Variants in PRP4K observed in about 807,000 individuals in gnomAD.
The protein encoded by PRP4K is pre-mRNA processing factor kinase PRP4K.
the PRP4K span, among the ~76,000 whole-genome samples, chr6:4,046,950 G>A: frequency 6.6e-6 from 1 of 152,176 alleles, no homozygotes; most frequent in South Asian, 2.1e-4. Flanking sequence ...AAGCCACCAT[G>A]CCCGGCCGGT....
the PRP4K span, chr6:4,032,125 G>A: frequency 6.2e-7 from 1 of 1,613,248 alleles, no homozygotes; most frequent in Non-Finnish European, 8.5e-7. Context: ...AAAAGTAAGG[G>A]GGGTATTGAA....
chr6:4,031,928 G>T, the PRP4K span: 1 of 1,613,986 alleles, frequency 6.2e-7, no homozygotes, highest in Non-Finnish European at 8.5e-7. Flanking sequence ...GGCTCATTTT[G>T]CAAGGTTATG....
At chr6:4,032,779 A>G in the PRP4K span, 1 of 1,530,044 alleles carries the variant, frequency 6.5e-7, no homozygotes. Context: ...AAAATGTTAA[A>G]GCTTTTTACC....
the PRP4K span, chr6:4,058,933 G>C: frequency 1.4e-6 from 1 of 709,882 alleles, no homozygotes; most frequent in Non-Finnish European, 2.3e-6. Context: ...CCTTTTTGCT[G>C]TCGACCAATT....
chr6:4,060,291 G>T, the PRP4K span: 23 of 851,764 alleles, frequency 2.7e-5, no homozygotes, highest in East Asian at 5.9e-4. The surrounding 1 kb of genome is among the most constrained non-coding windows in gnomAD (Gnocchi z 4.7). Context: ...TGCACTGTGT[G>T]TATATATTTT....
chr6:4,042,656 G>A, the PRP4K span: 1 of 960,110 alleles, frequency 1.0e-6, no homozygotes, highest in Non-Finnish European at 1.6e-6. Flanking sequence ...CAGTTGAACA[G>A]GTCCTTAGAA....
chr6:4,037,528 G>T, the PRP4K span: 26 of 1,613,898 alleles, frequency 1.6e-5, no homozygotes, highest in Middle Eastern at 1.6e-4. Flanking sequence ...CCACTCAGAC[G>T]TAGCAGGTCT....
the PRP4K span, chr6:4,064,133 T>G: frequency 6.6e-6 from 1 of 152,472 alleles, no homozygotes; most frequent in African/African-American, 2.4e-5. Context: ...TAATACATCC[T>G]GTTTTCTTCA....
the PRP4K span, among the ~76,000 whole-genome samples, chr6:4,024,557 A>G: frequency 6.6e-6 from 1 of 152,234 alleles, no homozygotes; most frequent in East Asian, 1.9e-4. Context: ...TATTGTTTGG[A>G]AAAAAATGTG....
chr6:4,044,070 C>T, the PRP4K span: 1 of 1,548,342 alleles, frequency 6.5e-7, no homozygotes, highest in South Asian at 1.1e-5. Context: ...ATTGTTAGCT[C>T]TGTAACTTTA....
the PRP4K span, chr6:4,047,343 A>G: frequency 9.1e-5 from 97 of 1,060,908 alleles, no homozygotes; most frequent in East Asian, 9.1e-4. Flanking sequence ...AGCAAATGTA[A>G]TAAATATTTT....
the PRP4K span, among the ~76,000 whole-genome samples, chr6:4,036,027 A>G: frequency 7.1e-5 from 1 of 14,080 alleles, no homozygotes; most frequent in Non-Finnish European, 1.4e-4. Flanking sequence ...ATGGAGACAA[A>G]CCTATTTACA....
the PRP4K span, chr6:4,042,444 A>G: frequency 2.6e-5 from 37 of 1,431,436 alleles, no homozygotes; most frequent in Admixed American, 1.3e-4. Context: ...TATAAGGGGT[A>G]TGGTTTTAGA....
At chr6:4,037,514 T>C in the PRP4K span, 1 of 1,614,128 alleles carries the variant, frequency 6.2e-7, no homozygotes, top group Non-Finnish European at 8.5e-7. Flanking sequence ...GGAGGTCTCG[T>C]TCCCCACTCA....
chr6:4,048,546 G>T, the PRP4K span, among the ~76,000 whole-genome samples: 9 of 152,046 alleles, frequency 5.9e-5, no homozygotes, highest in Admixed American at 2.6e-4. Context: ...ATCTGGTTTT[G>T]AGTTATTTTC....
At chr6:4,059,701 A>G in the PRP4K span, among the ~76,000 whole-genome samples, 2 of 152,144 alleles carry the variant, frequency 1.3e-5, no homozygotes, top group East Asian at 3.9e-4. Context: ...GGTGAAGTGC[A>G]ATGGCACGAT....
At chr6:4,048,251 C>T in the PRP4K span, among the ~76,000 whole-genome samples, 15 of 151,940 alleles carry the variant, frequency 9.9e-5, no homozygotes, top group South Asian at 2.1e-4. Flanking sequence ...TGGTGGCGGG[C>T]GCCTGTAGTC....
At chr6:4,035,454 A>AT in the PRP4K span, among the ~76,000 whole-genome samples, 24 of 151,814 alleles carry the variant, frequency 1.6e-4, no homozygotes, top group Non-Finnish European at 2.9e-4. Context: ...GCCCATTTAT[A>AT]TTTTTTAACT....
At chr6:4,041,348 A>G in the PRP4K span, among the ~76,000 whole-genome samples, 11 of 152,202 alleles carry the variant, frequency 7.2e-5, no homozygotes, top group Non-Finnish European at 1.2e-4. Flanking sequence ...GAAAATGTAG[A>G]AACATTTCAA....
Sources: allele counts gnomAD v4.1 joint callset (sites outside exome capture counted in the v4.1 genomes callset), GRCh38; gene constraint gnomAD v4.1.1; non-coding constraint Gnocchi (gnomAD v3.1); transcripts MANE v1.5; gene names NCBI Gene and HGNC (gene_info 2026-07-23, HGNC 2026-07-21).